RYR2: variants seen among roughly 807,000 people sequenced by gnomAD.
RYR2 encodes cardiac muscle ryanodine receptor-calcium release channel.
RYR2 carries 227 observed loss-of-function variants against 601.1 expected under a neutral mutation model. The observed-to-expected ratio is 0.38, with a 90% CI of 0.34 to 0.42. The LOEUF (loss-of-function observed/expected upper bound fraction) is 0.42, where lower values mean the gene tolerates loss of function less well. RYR2 is among the 10% of genes least tolerant of loss of function. The pLI is 1.00. For synonymous variants in RYR2, 2,223 were observed against 2,175.1 expected, an observed-to-expected ratio of 1.02 and a Z score of -0.61; for missense variants, 4,646 against 6,156.5, an observed-to-expected ratio of 0.75 and a Z score of 8.21.
At chr1:237,712,756 T>C (rs1344601122) in intron 71 of RYR2, among the ~76,000 whole-genome samples, 1 of 152,222 alleles carries the variant, frequency 6.6e-6, no homozygotes, top group Non-Finnish European at 1.5e-5. Context: ...TTCCAGATTT[T>C]TGTTTTCTCT....
At chr1:237,588,127 C>T (rs1398194263) in intron 29 of RYR2, among the ~76,000 whole-genome samples, 3 of 152,114 alleles carry the variant, frequency 2.0e-5, no homozygotes, top group African/African-American at 7.2e-5. Flanking sequence ...GCTGCAGATA[C>T]AGCTGCAATT....
chr1:237,122,307 G>T (rs2485570), intron 1 of RYR2, among the ~76,000 whole-genome samples: 134,423 of 152,222 alleles, frequency 0.88, 59,914 homozygotes, highest in South Asian at 0.98. Context: ...CTTAACAGAA[G>T]TACAATGTTT....
At chr1:237,168,962 A>G (rs895331318) in intron 1 of RYR2, among the ~76,000 whole-genome samples, 1 of 152,194 alleles carries the variant, frequency 6.6e-6, no homozygotes, top group Non-Finnish European at 1.5e-5. Context: ...TAGTCAACCA[A>G]AAAGAACAGA....
chr1:237,273,905 AC>A (rs1689966674), intron 2 of RYR2, among the ~76,000 whole-genome samples: 1 of 147,266 alleles, frequency 6.8e-6, no homozygotes, highest in Admixed American at 6.8e-5. Context: ...AATAAACATA[AC>A]AAAACATACA....
At chr1:237,267,144 G>T (rs1689153440) in intron 1 of RYR2, among the ~76,000 whole-genome samples, 1 of 152,152 alleles carries the variant, frequency 6.6e-6, no homozygotes, top group Admixed American at 6.6e-5. Flanking sequence ...TTTGTCCAAA[G>T]TGCACAGGCT....
At chr1:237,656,081 C>T (rs1360453584) in intron 53 of RYR2, 97 bp downstream of exon 53, 16 of 1,091,410 alleles carry the variant, frequency 1.5e-5, no homozygotes, top group South Asian at 5.2e-5. Context: ...CTAATACATG[C>T]CCCCTTTGAA....
intron 10 of RYR2, 49 bp downstream of exon 10, chr1:237,388,232 T>C (rs1221298756): frequency 9.3e-6 from 14 of 1,500,424 alleles, no homozygotes; most frequent in Non-Finnish European, 1.2e-5. Flanking sequence ...TTTGCCTTGA[T>C]GTAATGTTTT....
intron 19 of RYR2, among the ~76,000 whole-genome samples, chr1:237,494,669 A>G (rs1372903316): frequency 6.6e-6 from 1 of 152,242 alleles, no homozygotes; most frequent in East Asian, 1.9e-4. Flanking sequence ...ACGGCTTACA[A>G]TCAACAAAAC....
At chr1:237,094,758 A>AT (rs1414698154) in intron 1 of RYR2, among the ~76,000 whole-genome samples, 1 of 151,936 alleles carries the variant, frequency 6.6e-6, no homozygotes, top group Non-Finnish European at 1.5e-5. Flanking sequence ...TGCCCAGCCA[A>AT]TTTTTTGTAT....
chr1:237,459,045 CCA>C (rs1289506369), intron 16 of RYR2, among the ~76,000 whole-genome samples: 2 of 152,148 alleles, frequency 1.3e-5, no homozygotes, highest in African/African-American at 2.4e-5. Context: ...ATCATTTTAC[CCA>C]CAGTAACGAT....
chr1:237,792,368 T>TGTGTGTGCGCGC lies in RYR2; in HGVS notation c.13782+52_13782+53insCGCGCGTGTGTG, dbSNP rs1553327311. Reference sequence around the variant, plus strand: ...AGGTACCTGTGTGTGTGTGTGTGTGTGTGTGTGTGTGTGCGTGTGTGTGTG... The same window carrying TGTGTGTGCGCGC: ...AGGTACCTGTGTGTGTGTGTGTGTGTGTGTGTGCGCGCGTGTGTGTGTGTGCGTGTGTGTGTG... On this transcript the variant is annotated intron_variant, in intron 94 of 104. Transcript: ENST00000366574. 357 of 928,342 alleles carry TGTGTGTGCGCGC rather than the reference T, an allele frequency of 3.8e-4. 1 individual carries two copies. In the South Asian group the frequency reaches 4.8e-3, roughly 13 times the overall value. 57.5% of individuals were successfully genotyped at this position (928,342 alleles called of 1,614,324 possible).
intron 8 of RYR2, among the ~76,000 whole-genome samples, chr1:237,382,218 T>C (rs1293008355): frequency 6.6e-6 from 1 of 152,178 alleles, no homozygotes; most frequent in African/African-American, 2.4e-5. Context: ...TTTTCGGATC[T>C]GTGAAAACAT....
intron 28 of RYR2, among the ~76,000 whole-genome samples, chr1:237,567,603 AAAT>A (rs944302278): frequency 6.6e-6 from 1 of 152,008 alleles, no homozygotes; most frequent in African/African-American, 2.4e-5. Context: ...ACAAACAAAA[AAAT>A]AATAATAACA....
chr1:237,759,657 T>G, intron 82 of RYR2, 119 bp from the exon 83 acceptor site: 1 of 725,880 alleles, frequency 1.4e-6, no homozygotes, highest in African/African-American at 1.8e-5. Flanking sequence ...TAGTCATGTT[T>G]GTACGCAGTG....
chr1:237,157,295 C>CAAAAAAAAAAAAAAAAAAAAAAA (rs33922740), intron 1 of RYR2, among the ~76,000 whole-genome samples: 1 of 63,510 alleles, frequency 1.6e-5, no homozygotes, highest in Non-Finnish European at 2.7e-5. Flanking sequence ...GACTCCATCT[C>CAAAAAAAAAAAAAAAAAAAAAAA]AAAAAAAAAA....
At chr1:237,208,617 G>A (rs1682081958) in intron 1 of RYR2, among the ~76,000 whole-genome samples, 5 of 151,968 alleles carry the variant, frequency 3.3e-5, no homozygotes, top group Admixed American at 3.3e-4. Flanking sequence ...TATACAATGT[G>A]ATGTTTTGAT....
chr1:237,771,985 T>G (rs760091529), intron 85 of RYR2, 27 bp from the exon 86 acceptor site: 2 of 1,298,174 alleles, frequency 1.5e-6, no homozygotes, highest in South Asian at 2.5e-5. Context: ...TGAGCAAGCA[T>G]TAATAACATT....
At chr1:237,786,356 A>C (rs1657562374) in intron 91 of RYR2, among the ~76,000 whole-genome samples, 1 of 152,254 alleles carries the variant, frequency 6.6e-6, no homozygotes, top group Non-Finnish European at 1.5e-5. Flanking sequence ...CAGGGCCACA[A>C]TTCTGTCTTT....
rs779062659 is a variant in RYR2, at chr1:237,722,436, AT to A, written c.10555-677del. On this transcript the variant is annotated intron_variant, in intron 73 of 104. Transcript: ENST00000366574. The stretch of plus-strand genomic sequence containing the variant: ...TTATCTGTCTTTCTTAGTATTTTTA[AT>A]TTTTTTTTTTTTTTGAGATGGAGTC... Among the ~76,000 whole-genome samples the A allele has an allele frequency of 1.0e-2, 1,408 of 141,098 alleles. 18 individuals carry two copies. Among genetic ancestry groups the A allele is most frequent in the African/African-American group, 0.03 (1,144 of 38,644 alleles). The allele number at this position is 141,098 out of a possible 152,430, so 92.6% of individuals were successfully genotyped here. A position where few individuals can be genotyped will look rare whatever the true frequency, so the allele number is the denominator to read the frequency against.
Sources: gnomAD v4.1 joint callset for allele counts (sites outside exome capture counted in the v4.1 genomes callset) on GRCh38, gnomAD v4.1.1 for gene constraint, MANE v1.5 for transcripts, NCBI Gene and HGNC (gene_info 2026-07-23, HGNC 2026-07-21) for gene names.